Variants in CLASP1 observed in about 807,000 individuals in gnomAD.
CLASP1 encodes the protein CLIP-associating protein 1.
Under a neutral mutation model 192.3 loss-of-function variants are expected in CLASP1, and 38 were observed. The observed-to-expected ratio is 0.20, with a 90% CI of 0.15 to 0.26. CLASP1 has a LOEUF of 0.26. Among genes scored for constraint, CLASP1 ranks in the 10% least tolerant of loss-of-function variants. The probability of loss-of-function intolerance (pLI) is 1.00; values close to 1 mark genes in which losing one functional copy is unlikely to be tolerated. For missense variants in CLASP1, 1,433 were observed against 1,932.5 expected, an observed-to-expected ratio of 0.74 and a Z score of 4.85; for synonymous variants, 691 against 712.8, an observed-to-expected ratio of 0.97 and a Z score of 0.49.
At chr2:121,510,174 G>C (rs529300651) in intron 7 of CLASP1, among the ~76,000 whole-genome samples, 5 of 152,054 alleles carry the variant, frequency 3.3e-5, no homozygotes, top group Non-Finnish European at 7.4e-5. Flanking sequence ...AAAAAGACAA[G>C]TACATCAAAC....
intron 2 of CLASP1, among the ~76,000 whole-genome samples, chr2:121,549,606 G>C (rs1231382474): frequency 6.7e-6 from 1 of 148,316 alleles, no homozygotes; most frequent in African/African-American, 2.5e-5. Flanking sequence ...AATCTCTACA[G>C]AACTCTCCAC....
At chr2:121,429,010 T>A (rs72967389) in intron 20 of CLASP1, among the ~76,000 whole-genome samples, 4 of 152,128 alleles carry the variant, frequency 2.6e-5, no homozygotes, top group African/African-American at 9.7e-5. Context: ...CCCATGCTTG[T>A]AGTGTATCAC....
At chr2:121,518,697 G>A (rs1000951575) in intron 6 of CLASP1, among the ~76,000 whole-genome samples, 8 of 149,548 alleles carry the variant, frequency 5.3e-5, no homozygotes, top group Admixed American at 3.3e-4. Flanking sequence ...GTGAAACCCC[G>A]TCTCTACTAA....
At chr2:121,510,327 A>G (rs2094089885) in intron 7 of CLASP1, among the ~76,000 whole-genome samples, 1 of 152,244 alleles carries the variant, frequency 6.6e-6, no homozygotes, top group East Asian at 1.9e-4. Flanking sequence ...GCAAAGGCTC[A>G]AATTAATGAA....
exon 40 of CLASP1, chr2:121,337,881 AT>A (rs1395640403): frequency 1.3e-5 from 2 of 151,912 alleles, no homozygotes; most frequent in African/African-American, 4.9e-5. Context: ...TACATTTGCC[AT>A]GATACACTTG....
chr2:121,442,868 A>G (rs1010309020), intron 19 of CLASP1, among the ~76,000 whole-genome samples: 1 of 151,404 alleles, frequency 6.6e-6, no homozygotes, highest in African/African-American at 2.5e-5. Flanking sequence ...CTTATTAATA[A>G]ATTTTTAAAA....
chr2:121,476,560 A>G (rs1184382663), intron 8 of CLASP1, among the ~76,000 whole-genome samples: 1 of 152,202 alleles, frequency 6.6e-6, no homozygotes, highest in Non-Finnish European at 1.5e-5. Flanking sequence ...AAACTAAGAA[A>G]TAACTGCTCA....
chr2:121,394,207 T>G (rs10166411), intron 30 of CLASP1, among the ~76,000 whole-genome samples: 3,327 of 152,278 alleles, frequency 0.022, 129 homozygotes, highest in African/African-American at 0.076. Context: ...AAAAATGTAA[T>G]TGAGGCCCTT....
intron 19 of CLASP1, among the ~76,000 whole-genome samples, chr2:121,432,618 T>C (rs1008722829): frequency 2.6e-5 from 4 of 152,240 alleles, no homozygotes; most frequent in Non-Finnish European, 5.9e-5. Flanking sequence ...TTGTATCTTC[T>C]ATGTTTATTT....
intron 2 of CLASP1, among the ~76,000 whole-genome samples, chr2:121,601,264 C>T (rs901175807): frequency 6.6e-6 from 1 of 150,886 alleles, no homozygotes; most frequent in Non-Finnish European, 1.5e-5. Flanking sequence ...TGAGGAAAAG[C>T]GTTCAGCATT....
At chr2:121,530,893 T>G (rs765672625) in intron 2 of CLASP1, 3 of 694,046 alleles carry the variant, frequency 4.3e-6, no homozygotes, top group East Asian at 2.7e-5. Flanking sequence ...CATCCTTTTC[T>G]TGGGGTTGCG....
At chr2:121,614,029 TG>T (rs2066049675) in intron 1 of CLASP1, among the ~76,000 whole-genome samples, 1 of 152,166 alleles carries the variant, frequency 6.6e-6, no homozygotes, top group Admixed American at 6.5e-5. Context: ...TCTCCACACA[TG>T]ATCTCTAACC....
chr2:121,462,780 A>C (rs952556513), intron 9 of CLASP1, among the ~76,000 whole-genome samples, 175 bp from the exon 10 acceptor site: 3 of 152,204 alleles, frequency 2.0e-5, no homozygotes, highest in Admixed American at 6.5e-5. Flanking sequence ...TACTGACTTC[A>C]TATCAAGATG....
intron 30 of CLASP1, among the ~76,000 whole-genome samples, chr2:121,391,057 GTAGT>G (rs1263446413): frequency 6.6e-6 from 1 of 152,058 alleles, no homozygotes; most frequent in Non-Finnish European, 1.5e-5. Context: ...CACTGAGAAG[GTAGT>G]TAATCATAAA....
At chr2:121,604,540 C>T (rs1262126470) in intron 2 of CLASP1, among the ~76,000 whole-genome samples, 4 of 152,038 alleles carry the variant, frequency 2.6e-5, no homozygotes, top group African/African-American at 7.3e-5. Flanking sequence ...TGGTGGCGCA[C>T]GTCTGTAGTC....
intron 32 of CLASP1, among the ~76,000 whole-genome samples, chr2:121,383,354 T>C (rs1457994011): frequency 1.3e-5 from 2 of 152,192 alleles, no homozygotes; most frequent in African/African-American, 2.4e-5. Flanking sequence ...GTCACTAGCA[T>C]ACAGAGGCCT....
intron 37 of CLASP1, among the ~76,000 whole-genome samples, chr2:121,353,278 T>C (rs1026496866): frequency 2.6e-5 from 4 of 152,062 alleles, no homozygotes; most frequent in Non-Finnish European, 5.9e-5. Context: ...CCCAAGTTGC[T>C]GGGGATCGGG....
chr2:121,564,738 A>G (rs969709414), intron 2 of CLASP1, among the ~76,000 whole-genome samples: 1 of 152,252 alleles, frequency 6.6e-6, no homozygotes, highest in Non-Finnish European at 1.5e-5. Flanking sequence ...AGGCATTGGT[A>G]GAACACAAGC....
In CLASP1 at chr2:121,518,517, G is replaced by T. The variant is rs966115281; in HGVS notation, c.547-2755C>A. Among the ~76,000 whole-genome samples, 6 of 152,294 alleles carry T rather than the reference G, an allele frequency of 3.9e-5. No individual in the cohort carries two copies. The South Asian group carries it at 1.2e-3, about 32-fold the overall frequency. ...ATGGCAGCCAGAGCTGACAAACACA[G>T]ATTATCAGTTTATTTTGAGGGAAAA... On this transcript the variant is annotated intron_variant, in intron 6 of 39. Coordinates refer to ENST00000263710, the Ensembl canonical transcript of CLASP1.
Sources: gnomAD v4.1 joint callset for allele counts (sites outside exome capture counted in the v4.1 genomes callset) on GRCh38, gnomAD v4.1.1 for gene constraint, MANE v1.5 for transcripts, NCBI Gene and HGNC (gene_info 2026-07-23, HGNC 2026-07-21) for gene names.